Variants in EPB41 observed in about 807,000 individuals in gnomAD.
The protein encoded by EPB41 is erythrocyte membrane protein band 4.1, also known as protein 4.1.
A neutral mutation model predicts 108.0 loss-of-function variants in EPB41; 65 were observed. That is an observed-to-expected ratio of 0.60 (90% CI 0.49 to 0.74). The LOEUF (loss-of-function observed/expected upper bound fraction) is 0.74, where lower values mean the gene tolerates loss of function less well. Among genes scored for constraint, EPB41 ranks in the 30% least tolerant of loss-of-function variants. The probability of loss-of-function intolerance (pLI) is 0.00; values close to 1 mark genes in which losing one functional copy is unlikely to be tolerated. For synonymous variants in EPB41, 336 were observed against 358.9 expected, an observed-to-expected ratio of 0.94 and a Z score of 0.72; for missense variants, 875 against 1,037.0, an observed-to-expected ratio of 0.84 and a Z score of 2.15.
chr1:28,985,107 G>A (rs1359187316), intron 1 of EPB41, among the ~76,000 whole-genome samples: 1 of 152,038 alleles, frequency 6.6e-6, no homozygotes, highest in Non-Finnish European at 1.5e-5. Context: ...TGGATTACAA[G>A]CGCCTGCCAC....
intron 1 of EPB41, among the ~76,000 whole-genome samples, chr1:28,947,450 C>G (rs541862817): frequency 6.7e-6 from 1 of 148,906 alleles, no homozygotes; most frequent in Non-Finnish European, 1.5e-5. Flanking sequence ...AACAAACAAA[C>G]GGCCTTTTAA....
chr1:28,937,979 T>C (rs1381807777), intron 1 of EPB41, among the ~76,000 whole-genome samples: 1 of 152,232 alleles, frequency 6.6e-6, no homozygotes, highest in Non-Finnish European at 1.5e-5. Context: ...TTGAATTGTC[T>C]TGGCACCCTT....
chr1:28,957,282 C>T (rs2094993785), intron 1 of EPB41, among the ~76,000 whole-genome samples: 1 of 152,196 alleles, frequency 6.6e-6, no homozygotes, highest in African/African-American at 2.4e-5. Flanking sequence ...TGGGGATGCC[C>T]ATTGATTTTT....
At chr1:29,011,043 G>A (rs973638862) in intron 4 of EPB41, among the ~76,000 whole-genome samples, 8 of 150,776 alleles carry the variant, frequency 5.3e-5, no homozygotes, top group Admixed American at 2.6e-4. Context: ...ACTTGAACCC[G>A]GGAGGCGGAG....
Position 29,075,477 on chromosome 1 carries a change from C to CA in EPB41, c.2184+10328dup, listed in dbSNP as rs200700005. Among the ~76,000 whole-genome samples the CA allele has an allele frequency of 1.8e-3, 268 of 150,008 alleles. 1 individual carries two copies. The highest frequency in any genetic ancestry group is 5.4e-3 in the African/African-American group (223 of 40,926). On this transcript the variant is annotated intron_variant, in intron 16 of 20. Coordinates refer to ENST00000343067, the MANE Select transcript of EPB41 (RefSeq NM_001376013.1). ...TGGGCAACAGAGCAAGACTCTGTCT[C>CA]AAAAAAAAAGAAAAATCCTAGAAGG...
intron 3 of EPB41, 49 bp from the exon 4 acceptor site, chr1:28,997,166 T>TA: frequency 1.4e-6 from 2 of 1,381,134 alleles, no homozygotes; most frequent in Non-Finnish European, 2.1e-6. Flanking sequence ...GGGGAAAAAA[T>TA]AAAAGAAGAA....
At chr1:28,975,667 G>A (rs2095586940) in intron 1 of EPB41, among the ~76,000 whole-genome samples, 1 of 152,080 alleles carries the variant, frequency 6.6e-6, no homozygotes, top group Non-Finnish European at 1.5e-5. Flanking sequence ...ACTCTGGAAA[G>A]AGTAAAAGAA....
chr1:29,119,939 T>C lies in EPB41; in HGVS notation c.*3127T>C, dbSNP rs1014627123. The C allele has an allele frequency of 6.5e-6, 1 of 152,674 alleles. No homozygotes were observed. Among genetic ancestry groups the C allele is most frequent in the African/African-American group, 2.4e-5 (1 of 41,458 alleles). The allele number at this position is 152,674 out of a possible 1,614,324, so 9.5% of individuals were successfully genotyped here. A position where few individuals can be genotyped will look rare whatever the true frequency, so the allele number is the denominator to read the frequency against. ...AGACTACACAGGCAATAATCAAGTC[T>C]GCTGTTTTGGCCTTTCGTAGTAGAA... On this transcript the variant is annotated 3_prime_UTR_variant, in exon 21 of 21. Transcript: ENST00000343067.
rs1640566346 is a variant in EPB41, at chr1:29,039,135, C to T, written c.1464-119C>T. The stretch of plus-strand genomic sequence containing the variant: ...TACTTGATTGAAAATTTCTTAGTAA[C>T]TATATGGAAACCCTGAGAATTGTGA... On this transcript the variant is annotated intron_variant, in intron 10 of 20. Transcript: ENST00000343067. 3 of 1,130,860 alleles carry T rather than the reference C, an allele frequency of 2.7e-6. No individual in the cohort carries two copies. The South Asian group carries it at 4.5e-5, about 17-fold the overall frequency. The allele number at this position is 1,130,860 out of a possible 1,614,324, so 70.1% of individuals were successfully genotyped here.
upstream of EPB41, among the ~76,000 whole-genome samples, chr1:28,910,461 C>T (rs1033283645): frequency 2.0e-5 from 3 of 152,120 alleles, no homozygotes; most frequent in Non-Finnish European, 4.4e-5. Context: ...TTTCAAAGCC[C>T]TCTTCAATCT....
intron 16 of EPB41, chr1:29,069,049 G>T: frequency 1.2e-6 from 1 of 852,424 alleles, no homozygotes. Flanking sequence ...GAGAGAAAAT[G>T]AATTTAATTA....
At chr1:29,027,137 A>T (rs888171538) in intron 7 of EPB41, among the ~76,000 whole-genome samples, 4 of 151,972 alleles carry the variant, frequency 2.6e-5, no homozygotes, top group South Asian at 4.1e-4. Flanking sequence ...TTTTTTTAAG[A>T]ATTGTAAAGG....
chr1:28,908,233 C>T (rs892849714), intron 1 of EPB41, among the ~76,000 whole-genome samples: 4 of 151,478 alleles, frequency 2.6e-5, no homozygotes, highest in African/African-American at 7.3e-5. Flanking sequence ...GAAGCCCCGT[C>T]TCTACGAAAC....
At chr1:29,047,346 C>T (rs1252020051) in intron 11 of EPB41, among the ~76,000 whole-genome samples, 2 of 145,106 alleles carry the variant, frequency 1.4e-5, no homozygotes, top group Non-Finnish European at 3.0e-5. Context: ...ACCTCCCAGG[C>T]CCAAATGATC....
chr1:29,091,442 A>G (rs1264914341), intron 16 of EPB41, among the ~76,000 whole-genome samples: 3 of 152,198 alleles, frequency 2.0e-5, no homozygotes, highest in Non-Finnish European at 2.9e-5. Flanking sequence ...GCCTGACTCA[A>G]AAGAAACAGT....
intron 1 of EPB41, among the ~76,000 whole-genome samples, chr1:28,966,759 A>G (rs2985321): frequency 0.17 from 26,023 of 152,040 alleles, 2,755 homozygotes; most frequent in East Asian, 0.48. Context: ...AAGAAACCAC[A>G]AATCCTAAGG....
chr1:28,957,635 C>T (rs950436268), intron 1 of EPB41, among the ~76,000 whole-genome samples: 2 of 152,156 alleles, frequency 1.3e-5, no homozygotes, highest in African/African-American at 4.8e-5. Flanking sequence ...AAACTCCTGA[C>T]CTCAGGCGAT....
intron 1 of EPB41, among the ~76,000 whole-genome samples, chr1:28,894,545 C>T (rs2090464171): frequency 6.6e-6 from 1 of 152,114 alleles, no homozygotes; most frequent in African/African-American, 2.4e-5. Context: ...AGGGGCCTGG[C>T]AACTGGACTT....
rs556107105 is a variant in EPB41, at chr1:28,916,540, G to A, written c.-8+1772G>A. On this transcript the variant is annotated intron_variant, in intron 1 of 20. Transcript: ENST00000343067. ...TAATCCCACCTACTCAGTAGGTGGA[G>A]GCAGGAGAATCGCTTGAACCTAGGA... Among the ~76,000 whole-genome samples the A allele has an allele frequency of 3.3e-5, 5 of 152,290 alleles. No individual in the cohort carries two copies. In the East Asian group the frequency reaches 9.7e-4, roughly 29 times the overall value.
Sources: allele counts gnomAD v4.1 joint callset (sites outside exome capture counted in the v4.1 genomes callset), GRCh38; gene constraint gnomAD v4.1.1; transcripts MANE v1.5; gene names NCBI Gene and HGNC (gene_info 2026-07-23, HGNC 2026-07-21).